YJU2: variants seen among roughly 807,000 people sequenced by gnomAD.
YJU2 encodes YJU2 splicing factor homolog.
In YJU2, 28 loss-of-function variants were observed where a neutral mutation model predicts 39.6. That is an observed-to-expected ratio of 0.71 (90% CI 0.52 to 0.97). The LOEUF (loss-of-function observed/expected upper bound fraction) is 0.97, where lower values mean the gene tolerates loss of function less well. Ranked by LOEUF, YJU2 falls within the 50% of genes least tolerant of loss-of-function variation. YJU2 has a pLI of 0.00. For synonymous variants in YJU2, 184 were observed against 182.4 expected, an observed-to-expected ratio of 1.01 and a Z score of -0.07; for missense variants, 328 against 430.4, an observed-to-expected ratio of 0.76 and a Z score of 2.11.
chr19:4,267,149 A>C (rs189432673), intron 6 of YJU2, among the ~76,000 whole-genome samples: 2 of 152,146 alleles, frequency 1.3e-5, no homozygotes, highest in Non-Finnish European at 2.9e-5. Flanking sequence ...CAGAGCCAGC[A>C]GTGGGGAAGA....
chr19:4,256,040 G>T (rs1316596292), intron 4 of YJU2, among the ~76,000 whole-genome samples: 1 of 151,314 alleles, frequency 6.6e-6, no homozygotes, highest in Non-Finnish European at 1.5e-5. Flanking sequence ...CAGGTGTACT[G>T]GTGTGCACCT....
intron 4 of YJU2, among the ~76,000 whole-genome samples, chr19:4,255,477 C>A (rs551158111): frequency 2.0e-5 from 3 of 152,026 alleles, no homozygotes; most frequent in Non-Finnish European, 2.9e-5. Context: ...CACCTGTAAT[C>A]GCAGCACTTT....
rs745978024 is a variant in YJU2, at chr19:4,251,195, C to G, written c.270+24C>G. The G allele has an allele frequency of 8.1e-6, 13 of 1,609,584 alleles. 1 individual carries two copies. The South Asian group carries it at 1.3e-4, about 16-fold the overall frequency. On this transcript the variant is annotated intron_variant, in intron 3 of 7. Coordinates refer to ENST00000262962, the MANE Select transcript of YJU2 (RefSeq NM_018074.6). ...AGGTAGGTGAGACGGCCGGCCAGGCCGGTCCCTCTCCCCCAGCACACCTCA... is the reference window on the plus strand; with the variant it reads ...AGGTAGGTGAGACGGCCGGCCAGGCGGGTCCCTCTCCCCCAGCACACCTCA...
At chr19:4,263,634 A>C (rs994620616) in intron 6 of YJU2, among the ~76,000 whole-genome samples, 2 of 151,530 alleles carry the variant, frequency 1.3e-5, no homozygotes, top group African/African-American at 4.9e-5. Context: ...ACATGGAGAA[A>C]CCCTGTCTCT....
intron 6 of YJU2, among the ~76,000 whole-genome samples, chr19:4,262,998 C>T (rs1017408992): frequency 6.8e-5 from 10 of 147,170 alleles, no homozygotes; most frequent in Admixed American, 3.5e-4. Flanking sequence ...CGCTTGAACC[C>T]GGGAGGCGGA....
intron 6 of YJU2, among the ~76,000 whole-genome samples, chr19:4,262,434 G>A (rs1476777087): frequency 4.0e-5 from 6 of 151,894 alleles, no homozygotes; most frequent in African/African-American, 4.8e-5. Flanking sequence ...TCTTCACCTC[G>A]TGATCCGCCC....
In YJU2 at chr19:4,268,994, A is replaced by T; in HGVS notation, c.*298A>T. 2.6e-6 allele frequency: 1 copy of T among 389,062 alleles called. No individual in the cohort carries two copies. The highest frequency in any genetic ancestry group is 3.1e-5 in the South Asian group (1 of 32,116). 24.1% of individuals were successfully genotyped at this position (389,062 alleles called of 1,614,324 possible). A position where few individuals can be genotyped will look rare whatever the true frequency, so the allele number is the denominator to read the frequency against. ...GCTTCCAACACTACTTCAGGGTGGC[A>T]GTGTTTGGGGCACTGGGCGAGCCTG... On this transcript the variant is annotated 3_prime_UTR_variant, in exon 8 of 8. Coordinates refer to ENST00000262962, the MANE Select transcript of YJU2 (RefSeq NM_018074.6).
chr19:4,264,766 C>T (rs1159286063), intron 6 of YJU2, among the ~76,000 whole-genome samples: 2 of 151,946 alleles, frequency 1.3e-5, no homozygotes, highest in Admixed American at 1.3e-4. Flanking sequence ...GGATTACAGG[C>T]GTGAGCCACT....
intron 4 of YJU2, among the ~76,000 whole-genome samples, chr19:4,256,133 C>T (rs1463653959): frequency 1.4e-5 from 2 of 147,036 alleles, no homozygotes; most frequent in Non-Finnish European, 3.0e-5. Context: ...ATGATCACAT[C>T]ACTGCACTCC....
At chr19:4,256,290 C>T (rs1256976573) in intron 4 of YJU2, among the ~76,000 whole-genome samples, 1 of 151,300 alleles carries the variant, frequency 6.6e-6, no homozygotes, top group African/African-American at 2.4e-5. Context: ...GCTGTCCCCT[C>T]CTGCTTCCAT....
In YJU2 at chr19:4,255,878, G is replaced by A. The variant is rs188559471; in HGVS notation, c.405+1389G>A. Among the ~76,000 whole-genome samples, 612 of 151,854 alleles carry A rather than the reference G, an allele frequency of 4.0e-3. 7 individuals carry two copies. Among genetic ancestry groups the A allele is most frequent in the African/African-American group, 0.014 (581 of 41,420 alleles). The stretch of plus-strand genomic sequence containing the variant: ...AAAAATTAACCAGGCGTGGTGGCAC[G>A]CGCCTATAATCCAAGCTACTCAGGA... On this transcript the variant is annotated intron_variant, in intron 4 of 7. Coordinates refer to ENST00000262962, the MANE Select transcript of YJU2 (RefSeq NM_018074.6).
In YJU2 at chr19:4,258,365, C is replaced by T. The variant is rs751450158; in HGVS notation, c.529C>T (p.Arg177Cys). The change falls in exon 5 of 8, where the codon CGC (arginine) becomes TGC (cysteine). Residue 177 changes from arginine to cysteine, a missense_variant. Coordinates refer to ENST00000262962, the MANE Select transcript of YJU2 (RefSeq NM_018074.6). ...CTTCGAGGCTATGCTGAGGCAGCACCGCCTGTCGGAGGAGGAGCGGCGGAG... is the reference window on the plus strand; with the variant it reads ...CTTCGAGGCTATGCTGAGGCAGCACTGCCTGTCGGAGGAGGAGCGGCGGAG... ...VDFEAMLRQH[R>C]LSEEERRRQQ... 5.3e-5 allele frequency: 84 copies of T among 1,597,014 alleles called. No individual in the cohort carries two copies. The East Asian group carries it at 1.6e-3, about 31-fold the overall frequency.
At chr19:4,254,801 T>C (rs528653789) in intron 4 of YJU2, among the ~76,000 whole-genome samples, 1 of 152,102 alleles carries the variant, frequency 6.6e-6, no homozygotes, top group East Asian at 1.9e-4. Context: ...CTCACACCTG[T>C]AATCCCAGCA....
intron 1 of YJU2, among the ~76,000 whole-genome samples, chr19:4,248,545 C>T (rs1599495001): frequency 6.6e-6 from 1 of 152,156 alleles, no homozygotes; most frequent in African/African-American, 2.4e-5. Context: ...GGTTTACCCT[C>T]TACAGAATTG....
At chr19:4,254,253 C>A in intron 3 of YJU2, 102 bp from the exon 4 acceptor site, 1 of 834,838 alleles carries the variant, frequency 1.2e-6, no homozygotes, top group Non-Finnish European at 2.0e-6. Context: ...GTAGTAGAAC[C>A]AGTAAAAATC....
intron 4 of YJU2, among the ~76,000 whole-genome samples, chr19:4,257,055 A>G (rs1369326062): frequency 6.6e-6 from 1 of 152,056 alleles, no homozygotes; most frequent in Non-Finnish European, 1.5e-5. Context: ...CCATTTTTCC[A>G]AAGGGTAAAT....
Position 4,267,698 on chromosome 19 carries a change from G to A in YJU2, c.783G>A (p.Ser261=), listed in dbSNP as rs369946142. ...GCCTGGGCAGCCGGCCCCCGCTGTC[G>A]AGGCTGGTCGTGGTGAAGAAGGCAA... is the stretch of plus-strand genomic sequence containing the variant. The part of the protein sequence containing the change: ...VGSLGSRPPL[S]RLVVVKKAKA... Residue 261 remains serine (S), a synonymous_variant, in exon 7 of 8, where the codon TCG becomes TCA. Coordinates refer to ENST00000262962, the MANE Select transcript of YJU2 (RefSeq NM_018074.6). 28 of 1,613,300 alleles carry A rather than the reference G, an allele frequency of 1.7e-5. No individual in the cohort carries two copies. Among genetic ancestry groups the A allele is most frequent in the African/African-American group, 2.7e-5 (2 of 74,934 alleles).
intron 3 of YJU2, among the ~76,000 whole-genome samples, chr19:4,251,372 G>C (rs1462991495): frequency 3.9e-5 from 6 of 152,166 alleles, no homozygotes; most frequent in Non-Finnish European, 8.8e-5. Flanking sequence ...AACCTAGATA[G>C]ATAATAATAA....
In YJU2 at chr19:4,268,960, C is replaced by T. The variant is rs1348457135; in HGVS notation, c.*264C>T. 2.1e-6 allele frequency: 1 copy of T among 477,784 alleles called. No homozygotes were observed. 29.6% of individuals were successfully genotyped at this position (477,784 alleles called of 1,614,324 possible). On this transcript the variant is annotated 3_prime_UTR_variant, in exon 8 of 8. Coordinates refer to ENST00000262962, the MANE Select transcript of YJU2 (RefSeq NM_018074.6). ...TCACTGTGCTTAGGGCTGCAACATCCCTGGAGCAGCTTCCAACACTACTTC... is the reference window on the plus strand; with the variant it reads ...TCACTGTGCTTAGGGCTGCAACATCTCTGGAGCAGCTTCCAACACTACTTC...
Sources: allele counts gnomAD v4.1 joint callset (sites outside exome capture counted in the v4.1 genomes callset), GRCh38; gene constraint gnomAD v4.1.1; transcripts MANE v1.5; gene names NCBI Gene and HGNC (gene_info 2026-07-23, HGNC 2026-07-21).